The following KCTD8 variants were observed in gnomAD, a reference collection of about 807,000 sequenced individuals.
KCTD8 encodes BTB/POZ domain-containing protein KCTD8.
Under a neutral mutation model 31.5 loss-of-function variants are expected in KCTD8, and 27 were observed. That is an observed-to-expected ratio of 0.86 (90% CI 0.63 to 1.18). KCTD8 has a LOEUF of 1.18. Ranked by LOEUF, KCTD8 falls within the 50% of genes most tolerant of loss-of-function variation. KCTD8 has a pLI of 0.00. For missense variants in KCTD8, 658 were observed against 647.7 expected (o/e 1.02, Z -0.17); for synonymous variants, 290 against 280.0 (o/e 1.04, Z -0.36).
chr4:44,347,469 T>C (rs1236954177), intron 1 of KCTD8, among the ~76,000 whole-genome samples: 1 of 152,198 alleles, frequency 6.6e-6, no homozygotes, highest in Admixed American at 6.5e-5. Flanking sequence ...GTGGGGACTT[T>C]CCAACCACCA....
intron 1 of KCTD8, among the ~76,000 whole-genome samples, chr4:44,343,899 G>A (rs1015544327): frequency 5.9e-5 from 9 of 151,810 alleles, no homozygotes; most frequent in Middle Eastern, 6.3e-3. Flanking sequence ...TCGCTCTGTC[G>A]CTAGGCTGGA....
chr4:44,293,675 T>C, intron 1 of KCTD8: 2 of 368,848 alleles, frequency 5.4e-6, no homozygotes, highest in Non-Finnish European at 1.1e-5. Context: ...ATCAATTGTA[T>C]GATGACATGA....
At chr4:44,179,316 C>T (rs954359680) in intron 1 of KCTD8, among the ~76,000 whole-genome samples, 1 of 151,694 alleles carries the variant, frequency 6.6e-6, no homozygotes, top group Non-Finnish European at 1.5e-5. Flanking sequence ...TATAATTATA[C>T]AGTGTTTGAA....
intron 1 of KCTD8, among the ~76,000 whole-genome samples, chr4:44,314,288 T>C (rs1410893172): frequency 6.6e-6 from 1 of 152,102 alleles, no homozygotes. Context: ...AAAAGTGAGT[T>C]TGAAATACTG....
At chr4:44,266,532 C>A (rs547686827) in intron 1 of KCTD8, among the ~76,000 whole-genome samples, 1 of 152,178 alleles carries the variant, frequency 6.6e-6, no homozygotes, top group Admixed American at 6.5e-5. Context: ...GGATGAAATT[C>A]ACACATAACA....
At chr4:44,405,562 C>A (rs1402132660) in intron 1 of KCTD8, among the ~76,000 whole-genome samples, 1 of 151,990 alleles carries the variant, frequency 6.6e-6, no homozygotes, top group Non-Finnish European at 1.5e-5. Context: ...GCCACCGCAC[C>A]CGGCCCAGCC....
intron 1 of KCTD8, among the ~76,000 whole-genome samples, chr4:44,250,536 G>T (rs1715797538): frequency 6.6e-6 from 1 of 151,936 alleles, no homozygotes; most frequent in Non-Finnish European, 1.5e-5. Flanking sequence ...CACTCAGGTA[G>T]TCAGAGATAG....
At chr4:44,329,240 A>G (rs533508800) in intron 1 of KCTD8, among the ~76,000 whole-genome samples, 1 of 151,624 alleles carries the variant, frequency 6.6e-6, no homozygotes, top group East Asian at 1.9e-4. Flanking sequence ...AAACATGCTG[A>G]GATATCAAGA....
chr4:44,238,259 G>T (rs1715348926), intron 1 of KCTD8, among the ~76,000 whole-genome samples: 1 of 151,828 alleles, frequency 6.6e-6, no homozygotes, highest in South Asian at 2.1e-4. Context: ...ACTCCCTAAG[G>T]GAAGCTGCCT....
chr4:44,442,414 C>G (rs1247099754), intron 1 of KCTD8, among the ~76,000 whole-genome samples: 1 of 151,930 alleles, frequency 6.6e-6, no homozygotes, highest in Non-Finnish European at 1.5e-5. Flanking sequence ...CGGTGAAACC[C>G]CATCTCTACT....
At chr4:44,232,724 T>C (rs1371618985) in intron 1 of KCTD8, among the ~76,000 whole-genome samples, 1 of 152,148 alleles carries the variant, frequency 6.6e-6, no homozygotes, top group Non-Finnish European at 1.5e-5. Flanking sequence ...AGAATAATAG[T>C]TTCCTTTGGG....
At chr4:44,296,529 T>C (rs1359014845) in intron 1 of KCTD8, among the ~76,000 whole-genome samples, 1 of 152,132 alleles carries the variant, frequency 6.6e-6, no homozygotes, top group Non-Finnish European at 1.5e-5. Context: ...TATGAAAAAT[T>C]ATAATTTACA....
At chr4:44,277,425 A>G (rs935955106) in intron 1 of KCTD8, among the ~76,000 whole-genome samples, 2 of 151,896 alleles carry the variant, frequency 1.3e-5, no homozygotes, top group African/African-American at 4.8e-5. Flanking sequence ...GAAACAGTAC[A>G]CTAACAGTAC....
chr4:44,184,303 C>T (rs1037227015), intron 1 of KCTD8, among the ~76,000 whole-genome samples: 2 of 152,118 alleles, frequency 1.3e-5, no homozygotes, highest in Non-Finnish European at 2.9e-5. Flanking sequence ...GAGACGTCTT[C>T]ATCTTAGAGT....
chr4:44,328,468 A>G (rs537358340), intron 1 of KCTD8, among the ~76,000 whole-genome samples: 4 of 152,040 alleles, frequency 2.6e-5, no homozygotes, highest in African/African-American at 4.8e-5. Flanking sequence ...GCCAATCCCA[A>G]CGGCTCTACC....
At chr4:44,213,961 C>T (rs1305680517) in intron 1 of KCTD8, among the ~76,000 whole-genome samples, 4 of 152,106 alleles carry the variant, frequency 2.6e-5, no homozygotes, top group Admixed American at 1.3e-4. Context: ...GGTACCTATA[C>T]CAGAAAGAGA....
chr4:44,213,194 C>T (rs142239142), intron 1 of KCTD8, among the ~76,000 whole-genome samples: 120 of 152,292 alleles, frequency 7.9e-4, no homozygotes, highest in African/African-American at 2.9e-3. Flanking sequence ...CCTCGGCCTC[C>T]CAGAGTGCTG....
In KCTD8 at chr4:44,315,078, A is replaced by T. The variant is rs545162632; in HGVS notation, c.961+132485T>A. 2.6e-5 allele frequency among the ~76,000 whole-genome samples: 4 copies of T among 151,792 alleles called. No homozygotes were observed. In the East Asian group the frequency reaches 7.8e-4, roughly 30 times the overall value. On this transcript the variant is annotated intron_variant, in intron 1 of 1. Coordinates refer to ENST00000360029, the MANE Select transcript of KCTD8 (RefSeq NM_198353.3). ...ATGAAAAATTTAGGGATTTTATGCA[A>T]TCCCTCATCTCCCTTTCCCTCCACA...
intron 1 of KCTD8, among the ~76,000 whole-genome samples, chr4:44,228,872 TA>T (rs557518851): frequency 6.6e-6 from 1 of 152,206 alleles, no homozygotes; most frequent in Non-Finnish European, 1.5e-5. Context: ...TTATATAAAG[TA>T]GGAAAGTATT....
Sources: allele counts gnomAD v4.1 joint callset (sites outside exome capture counted in the v4.1 genomes callset), GRCh38; gene constraint gnomAD v4.1.1; transcripts MANE v1.5; gene names NCBI Gene and HGNC (gene_info 2026-07-23, HGNC 2026-07-21).